FARS2: variants seen among roughly 807,000 people sequenced by gnomAD.
The protein encoded by FARS2 is phenylalanine--tRNA ligase, mitochondrial.
Under a neutral mutation model 46.4 loss-of-function variants are expected in FARS2, and 40 were observed. The observed-to-expected ratio is 0.86, with a 90% CI of 0.67 to 1.12. FARS2 has a LOEUF of 1.12. Among genes scored for constraint, FARS2 ranks in the 50% most tolerant of loss-of-function variants. The pLI is 0.00. For synonymous variants in FARS2, 234 were observed against 214.9 expected (o/e 1.09, Z -0.78); for missense variants, 513 against 567.9 (o/e 0.90, Z 0.98).
intron 1 of FARS2, among the ~76,000 whole-genome samples, chr6:5,363,326 A>T (rs748327103): frequency 1.3e-5 from 2 of 152,122 alleles, no homozygotes; most frequent in Non-Finnish European, 2.9e-5. Flanking sequence ...TGGCTTGTAA[A>T]TACTTTTTCC....
chr6:5,382,086 G>T (rs1173428335), intron 2 of FARS2, among the ~76,000 whole-genome samples: 1 of 152,214 alleles, frequency 6.6e-6, no homozygotes, highest in Non-Finnish European at 1.5e-5. Flanking sequence ...TTGGAATCTT[G>T]TTATGTGTTG....
chr6:5,423,150 G>A (rs184445171), intron 3 of FARS2, among the ~76,000 whole-genome samples: 125 of 152,216 alleles, frequency 8.2e-4, no homozygotes, highest in South Asian at 1.9e-3. Flanking sequence ...GTAGCCTGCA[G>A]GGATCTGAAG....
chr6:5,525,201 TA>T (rs35559770), intron 4 of FARS2, among the ~76,000 whole-genome samples: 3 of 136,878 alleles, frequency 2.2e-5, no homozygotes, highest in African/African-American at 8.0e-5. Flanking sequence ...GCTCCCCCCA[TA>T]AAAAAACTGT....
intron 6 of FARS2, among the ~76,000 whole-genome samples, chr6:5,689,358 A>G (rs1297158339): frequency 1.3e-5 from 2 of 151,418 alleles, no homozygotes; most frequent in Non-Finnish European, 3.0e-5. Context: ...TTCCCTCTAC[A>G]CACTGCTTTG....
At chr6:5,671,178 A>G (rs1455328213) in intron 6 of FARS2, among the ~76,000 whole-genome samples, 2 of 152,218 alleles carry the variant, frequency 1.3e-5, no homozygotes, top group Non-Finnish European at 2.9e-5. Flanking sequence ...TTATAGTTAA[A>G]TTTAACTAAT....
intron 6 of FARS2, among the ~76,000 whole-genome samples, chr6:5,761,771 T>G (rs1762485820): frequency 7.0e-6 from 1 of 143,384 alleles, no homozygotes; most frequent in African/African-American, 2.6e-5. Context: ...GTGTTAAATA[T>G]GGCCAGACCC....
chr6:5,251,287 T>C, the FARS2 span, among the ~76,000 whole-genome samples: 2 of 152,210 alleles, frequency 1.3e-5, no homozygotes, highest in Non-Finnish European at 2.9e-5. Context: ...CTGCCCTGTT[T>C]TACAAAGTGA....
At chr6:5,584,147 T>C (rs1186356027) in intron 5 of FARS2, among the ~76,000 whole-genome samples, 1 of 55,076 alleles carries the variant, frequency 1.8e-5, no homozygotes, top group Non-Finnish European at 3.1e-5. Context: ...ACACACTCCT[T>C]GAGTGTTCGG....
chr6:5,510,488 T>C (rs535486870), intron 4 of FARS2, among the ~76,000 whole-genome samples: 2 of 152,322 alleles, frequency 1.3e-5, no homozygotes, highest in South Asian at 4.1e-4. Context: ...TCTTTCGCCC[T>C]AGTTAGTCTT....
rs1760355865 is a variant in FARS2 at position 5,727,733 on chromosome 6, C to T, written c.1218-43558C>T. On this transcript the variant is annotated intron_variant, in intron 6 of 6. Coordinates refer to ENST00000274680, the MANE Select transcript of FARS2 (RefSeq NM_006567.5). The surrounding 1 kb of genome is among the most constrained non-coding windows in gnomAD (Gnocchi z 4.1). ...TGGAGTGCCACAGGGATCATATTTTCAGGTGCATTTTCTTCCAATGCACTC... is the reference window on the plus strand; with the variant it reads ...TGGAGTGCCACAGGGATCATATTTTTAGGTGCATTTTCTTCCAATGCACTC... Among the ~76,000 whole-genome samples the T allele has an allele frequency of 6.6e-6, 1 of 152,204 alleles. No individual in the cohort carries two copies. The highest frequency in any genetic ancestry group is 1.9e-4 in the East Asian group (1 of 5,192).
intron 4 of FARS2, among the ~76,000 whole-genome samples, chr6:5,505,121 C>T (rs990265939): frequency 2.0e-5 from 3 of 152,182 alleles, no homozygotes; most frequent in African/African-American, 7.2e-5. Context: ...CCTACTTTCA[C>T]TCTCAGAAGT....
chr6:5,533,291 A>G (rs1294469173), intron 4 of FARS2, among the ~76,000 whole-genome samples: 2 of 152,204 alleles, frequency 1.3e-5, no homozygotes, highest in African/African-American at 2.4e-5. Flanking sequence ...GGCACCCCCA[A>G]TATCACTACT....
chr6:5,599,615 A>G (rs9504442), intron 5 of FARS2, among the ~76,000 whole-genome samples: 37,911 of 152,200 alleles, frequency 0.25, 4,852 homozygotes, highest in African/African-American at 0.28. Context: ...TACCTGCTAT[A>G]CAATTCACCC....
At chr6:5,586,667 C>CTTTT (rs1003519401) in intron 5 of FARS2, among the ~76,000 whole-genome samples, 3 of 151,898 alleles carry the variant, frequency 2.0e-5, no homozygotes, top group Non-Finnish European at 4.4e-5. Flanking sequence ...TTCTTTCTTT[C>CTTTT]TTTTGTAGTA....
intron 4 of FARS2, among the ~76,000 whole-genome samples, chr6:5,510,930 G>T (rs1411952929): frequency 2.6e-5 from 4 of 152,216 alleles, no homozygotes; most frequent in Non-Finnish European, 5.9e-5. Flanking sequence ...CAGCCCCCCA[G>T]TGGGCTTGAT....
intron 1 of FARS2, among the ~76,000 whole-genome samples, chr6:5,278,456 T>C (rs1198871147): frequency 6.6e-6 from 1 of 152,190 alleles, no homozygotes; most frequent in Non-Finnish European, 1.5e-5. Context: ...CAAAATATGG[T>C]AAAACGAAGG....
chr6:5,672,850 A>G (rs1032377259), intron 6 of FARS2, among the ~76,000 whole-genome samples: 4 of 152,100 alleles, frequency 2.6e-5, no homozygotes, highest in Non-Finnish European at 5.9e-5. Flanking sequence ...GAGACACTGT[A>G]TTTTGCCTTT....
intron 4 of FARS2, among the ~76,000 whole-genome samples, chr6:5,527,404 T>A (rs1769536969): frequency 6.6e-6 from 1 of 152,246 alleles, no homozygotes; most frequent in Admixed American, 6.5e-5. Context: ...TGTAGTGAAC[T>A]CACTAAACTC....
At chr6:5,374,119 G>A (rs116162765) in intron 2 of FARS2, among the ~76,000 whole-genome samples, 3,484 of 152,214 alleles carry the variant, frequency 0.023, 44 homozygotes, top group Middle Eastern at 0.037. Flanking sequence ...AAACAATGTG[G>A]GAAGGTGGAT....
Sources: gnomAD v4.1 joint callset for allele counts (sites outside exome capture counted in the v4.1 genomes callset) on GRCh38, gnomAD v4.1.1 for gene constraint, Gnocchi (gnomAD v3.1) non-coding constraint, MANE v1.5 for transcripts, NCBI Gene and HGNC (gene_info 2026-07-23, HGNC 2026-07-21) for gene names.